Variants in FAR2 observed in about 807,000 individuals in gnomAD.
The protein encoded by FAR2 is epididymis secretory protein Li 81.
In FAR2, 19 loss-of-function variants were observed where a neutral mutation model predicts 56.0. The observed-to-expected ratio is 0.34, with a 90% CI of 0.24 to 0.50. The LOEUF (loss-of-function observed/expected upper bound fraction) is 0.50. FAR2 is among the 20% of genes least tolerant of loss of function. FAR2 has a pLI of 0.98. For missense variants in FAR2, 508 were observed against 642.2 expected, an observed-to-expected ratio of 0.79 and a Z score of 2.26; for synonymous variants, 219 against 218.8, an observed-to-expected ratio of 1.00 and a Z score of -0.01.
intron 1 of FAR2, among the ~76,000 whole-genome samples, chr12:29,199,555 G>T (rs1947377993): frequency 6.8e-6 from 1 of 147,142 alleles, no homozygotes; most frequent in Non-Finnish European, 1.5e-5. Context: ...AGCCGAGATC[G>T]CTCCACTGCG....
At chr12:29,269,985 G>A (rs945856757) in intron 1 of FAR2, among the ~76,000 whole-genome samples, 3 of 152,122 alleles carry the variant, frequency 2.0e-5, no homozygotes, top group African/African-American at 7.2e-5. Flanking sequence ...CTTGGCCTGG[G>A]ACACCATGAC....
chr12:29,166,937 C>T (rs959630411), intron 1 of FAR2, among the ~76,000 whole-genome samples: 5 of 152,164 alleles, frequency 3.3e-5, no homozygotes, highest in African/African-American at 1.2e-4. Context: ...AGTCAATGAG[C>T]TTCCTCTGGA....
intron 2 of FAR2, among the ~76,000 whole-genome samples, chr12:29,273,063 T>C (rs1478206902): frequency 6.6e-6 from 1 of 152,166 alleles, no homozygotes; most frequent in Non-Finnish European, 1.5e-5. Flanking sequence ...CTGATGCCAG[T>C]AGGATTGCTC....
chr12:29,274,049 T>C (rs1948664055), intron 2 of FAR2, among the ~76,000 whole-genome samples: 1 of 113,856 alleles, frequency 8.8e-6, no homozygotes, highest in Non-Finnish European at 2.0e-5. Context: ...TTGTTTTTCT[T>C]TTTCTTTTTT....
intron 1 of FAR2, among the ~76,000 whole-genome samples, chr12:29,172,283 T>G (rs1171110658): frequency 2.0e-5 from 3 of 152,282 alleles, no homozygotes; most frequent in Admixed American, 6.5e-5. Flanking sequence ...GCCCAGCCAC[T>G]GTGCAACCTT....
chr12:29,296,913 C>A, intron 3 of FAR2, 108 bp from the exon 4 acceptor site: 1 of 968,588 alleles, frequency 1.0e-6, no homozygotes, highest in Non-Finnish European at 1.5e-6. Context: ...TGTTTTGGTG[C>A]GGCCACCAAA....
intron 2 of FAR2, among the ~76,000 whole-genome samples, chr12:29,276,310 T>C (rs1948703794): frequency 1.3e-5 from 2 of 152,154 alleles, no homozygotes; most frequent in African/African-American, 2.4e-5. Flanking sequence ...GTGTTTTTTT[T>C]CCCATAAATT....
intron 10 of FAR2, among the ~76,000 whole-genome samples, chr12:29,324,624 C>T (rs894179653): frequency 6.6e-6 from 1 of 152,098 alleles, no homozygotes; most frequent in Non-Finnish European, 1.5e-5. Context: ...AATTTTCAAC[C>T]CAGAATTTCA....
chr12:29,255,269 T>C (rs1948299893), intron 1 of FAR2, among the ~76,000 whole-genome samples: 2 of 152,302 alleles, frequency 1.3e-5, no homozygotes, highest in Admixed American at 1.3e-4. Context: ...ACATAGCCTT[T>C]CTCTGTGTCT....
intron 2 of FAR2, among the ~76,000 whole-genome samples, chr12:29,290,155 T>A (rs1370417128): frequency 6.6e-6 from 1 of 152,010 alleles, no homozygotes; most frequent in African/African-American, 2.4e-5. Flanking sequence ...ACAATAGAAA[T>A]ACCATATGGG....
chr12:29,246,158 C>T (rs950565658), intron 1 of FAR2, among the ~76,000 whole-genome samples: 1 of 151,736 alleles, frequency 6.6e-6, no homozygotes, highest in Non-Finnish European at 1.5e-5. Context: ...GAGATCTAAC[C>T]CTTTCATGCC....
At position 29,290,072 on chromosome 12, in the gene FAR2, C is replaced by A. The variant is rs148624169; in HGVS notation, c.190-3228C>A. On this transcript the variant is annotated intron_variant, in intron 2 of 11. Transcript: ENST00000536681. Reference sequence around the variant, plus strand: ...TGTCAATGATGTGGAGCAAAAGGAACCCTCATATGCTGTTGGTAGGAATGT... The same window carrying A: ...TGTCAATGATGTGGAGCAAAAGGAAACCTCATATGCTGTTGGTAGGAATGT... 6.7e-3 allele frequency among the ~76,000 whole-genome samples: 1,013 copies of A among 152,218 alleles called. 11 individuals carry two copies. The highest frequency in any genetic ancestry group is 0.022 in the African/African-American group (922 of 41,514).
chr12:29,190,116 A>G (rs1485663214), intron 1 of FAR2, among the ~76,000 whole-genome samples: 1 of 152,226 alleles, frequency 6.6e-6, no homozygotes, highest in Non-Finnish European at 1.5e-5. Context: ...GGATACAGAC[A>G]TCAAAAGTTC....
intron 1 of FAR2, among the ~76,000 whole-genome samples, chr12:29,239,580 G>A (rs111417789): frequency 0.053 from 8,109 of 152,104 alleles, 284 homozygotes; most frequent in Non-Finnish European, 0.081. Context: ...GACTACCCAC[G>A]TGGGAAGAGA....
At chr12:29,314,150 T>C (rs997573465) in intron 8 of FAR2, among the ~76,000 whole-genome samples, 2 of 152,240 alleles carry the variant, frequency 1.3e-5, no homozygotes, top group African/African-American at 4.8e-5. Flanking sequence ...ACTTTCTACA[T>C]GTGCATGAAT....
rs1006278192 is a variant in FAR2 at position 29,333,716 on chromosome 12, G to A, written c.1470G>A (p.Arg490=). 2 of 1,613,704 alleles carry A rather than the reference G, an allele frequency of 1.2e-6. No homozygotes were observed. The highest frequency in any genetic ancestry group is 1.7e-6 in the Non-Finnish European group (2 of 1,179,770). The change falls in exon 12 of 12, where the codon CGG becomes CGA. Residue 490 remains arginine, a synonymous_variant. Coordinates refer to ENST00000536681, the MANE Select transcript of FAR2 (RefSeq NM_001271783.2). ...RLLIARSQMA[R]NVWFFIVSFC... ...TCATTGCAAGATCTCAGATGGCTCG[G>A]AATGTCTGGTTCTTCATTGTAAGCT...
At chr12:29,274,106 A>G (rs1487077787) in intron 2 of FAR2, among the ~76,000 whole-genome samples, 5 of 151,476 alleles carry the variant, frequency 3.3e-5, no homozygotes, top group South Asian at 2.1e-4. Flanking sequence ...GGTTTGTTAC[A>G]TATGTATACG....
chr12:29,272,128 G>A (rs1407065766), intron 2 of FAR2, among the ~76,000 whole-genome samples: 1 of 152,148 alleles, frequency 6.6e-6, no homozygotes, highest in Non-Finnish European at 1.5e-5. Context: ...ATCTTCTCAT[G>A]GAGTATCTTA....
At chr12:29,275,829 TG>T (rs1387768695) in intron 2 of FAR2, among the ~76,000 whole-genome samples, 1 of 152,236 alleles carries the variant, frequency 6.6e-6, no homozygotes, top group African/African-American at 2.4e-5. Flanking sequence ...ACATTGCTTT[TG>T]TTCTGGAAAT....
Sources: allele counts gnomAD v4.1 joint callset (sites outside exome capture counted in the v4.1 genomes callset), GRCh38; gene constraint gnomAD v4.1.1; transcripts MANE v1.5; gene names NCBI Gene and HGNC (gene_info 2026-07-23, HGNC 2026-07-21).